The following WDR25 variants were observed in gnomAD, a reference collection of about 807,000 sequenced individuals.
The protein encoded by WDR25 is WD repeat-containing protein 25.
Under a neutral mutation model 47.7 loss-of-function variants are expected in WDR25, and 35 were observed. That is an observed-to-expected ratio of 0.73 (90% CI 0.56 to 0.97). The LOEUF (loss-of-function observed/expected upper bound fraction) is 0.97. Ranked by LOEUF, WDR25 falls within the 50% of genes least tolerant of loss-of-function variation. The pLI, the probability that WDR25 is intolerant of heterozygous loss-of-function variation, is 0.00. For missense variants in WDR25, 634 were observed against 704.7 expected, an observed-to-expected ratio of 0.90 and a Z score of 1.14; for synonymous variants, 248 against 278.9, an observed-to-expected ratio of 0.89 and a Z score of 1.10.
At chr14:100,409,249 A>G (rs1310111375) in intron 2 of WDR25, among the ~76,000 whole-genome samples, 1 of 152,190 alleles carries the variant, frequency 6.6e-6, no homozygotes, top group Non-Finnish European at 1.5e-5. Flanking sequence ...TTTACAAGTG[A>G]GGAGTTGCAG....
In WDR25 at chr14:100,529,167, C is replaced by A. The variant is rs2030341196; in HGVS notation, c.1372C>A (p.Pro458Thr). The A allele has an allele frequency of 6.2e-7, 1 of 1,612,520 alleles. No homozygotes were observed. The highest frequency in any genetic ancestry group is 8.5e-7 in the Non-Finnish European group (1 of 1,178,832). ...CCTGGCCCTTTTCTCCACTGTGTGGCCCTACCGGATGAGCAGACGGCGGCG... is the reference window on the plus strand; with the variant it reads ...CCTGGCCCTTTTCTCCACTGTGTGGACCTACCGGATGAGCAGACGGCGGCG... ...NYLALFSTVW[P>T]YRMSRRRRYE... is the part of the protein sequence containing the mutation. Residue 458 changes from proline (P) to threonine (T), a missense_variant, in exon 6 of 7, where the codon CCC (proline) becomes ACC (threonine). Coordinates refer to ENST00000402312, the MANE Select transcript of WDR25 (RefSeq NM_001161476.3). The surrounding 1 kb of genome is among the most constrained non-coding windows in gnomAD (Gnocchi z 5.1).
rs747920118 is a variant in WDR25, at chr14:100,484,001, G to T, written c.978G>T (p.Gln326His). Residue 326 changes from glutamine to histidine, a missense_variant, in exon 4 of 7, where the codon CAG (glutamine) becomes CAT (histidine). Transcript: ENST00000402312. ...LHLTDLETGT[Q>H]LFSGRSDFRI... ...TCTCTTTTTGTGTTGTAGGAACCCAGCTATTTAGTGGTCGAAGTGACTTTA... is the reference window on the plus strand; with the variant it reads ...TCTCTTTTTGTGTTGTAGGAACCCATCTATTTAGTGGTCGAAGTGACTTTA... 6.2e-7 allele frequency: 1 copy of T among 1,611,274 alleles called. No homozygotes were observed. Among genetic ancestry groups the T allele is most frequent in the Non-Finnish European group, 8.5e-7 (1 of 1,179,182 alleles).
chr14:100,463,375 C>T (rs1175017614), intron 2 of WDR25, among the ~76,000 whole-genome samples: 2 of 152,202 alleles, frequency 1.3e-5, no homozygotes, highest in Non-Finnish European at 2.9e-5. Context: ...GACATGGTGA[C>T]CAGCCTCTTT....
In WDR25 at chr14:100,449,218, T is replaced by C. The variant is rs1265168413; in HGVS notation, c.823-18803T>C. ...TTTTGGAGCAAAGGGTTAGTACTCA[T>C]TTTTATGCAAATTGAGAAATCTTGA... On this transcript the variant is annotated intron_variant, in intron 2 of 6. Coordinates refer to ENST00000402312, the MANE Select transcript of WDR25 (RefSeq NM_001161476.3). This position sits in a 1 kb window ranked among gnomAD's most constrained non-coding sequence, Gnocchi z 4.2. 6.6e-6 allele frequency among the ~76,000 whole-genome samples: 1 copy of C among 152,240 alleles called. No individual in the cohort carries two copies. Among genetic ancestry groups the C allele is most frequent in the East Asian group, 1.9e-4 (1 of 5,190 alleles).
chr14:100,393,493 C>T (rs957215562), intron 2 of WDR25, among the ~76,000 whole-genome samples: 2 of 152,002 alleles, frequency 1.3e-5, no homozygotes, highest in South Asian at 2.1e-4. Context: ...AGCCCGGGGG[C>T]GGAGGATTGG....
chr14:100,525,798 C>A lies in WDR25; in HGVS notation c.1102-72C>A. ...ACTAAACCTGCCTGCCCCCTGGGTC[C>A]TTGGCCTTCCCTGCATAGGCGCCTG... On this transcript the variant is annotated intron_variant, in intron 4 of 6. Coordinates refer to ENST00000402312, the MANE Select transcript of WDR25 (RefSeq NM_001161476.3). The surrounding 1 kb of genome is among the most constrained non-coding windows in gnomAD (Gnocchi z 4.6). The A allele has an allele frequency of 1.3e-6, 2 of 1,569,690 alleles. No homozygotes were observed. The highest frequency in any genetic ancestry group is 2.3e-5 in the South Asian group (2 of 85,792).
At position 100,511,322 on chromosome 14, in the gene WDR25, G is replaced by A. The variant is rs571983217; in HGVS notation, c.1102-14548G>A. Among the ~76,000 whole-genome samples, 22 of 152,176 alleles carry A rather than the reference G, an allele frequency of 1.4e-4. No individual in the cohort carries two copies. In the South Asian group the frequency reaches 3.1e-3, roughly 22 times the overall value. The stretch of plus-strand genomic sequence containing the variant: ...TGATATTTTAAAATTTCAGCTTCTG[G>A]TTGCTCATGGTTAGTATATAGAAAA... On this transcript the variant is annotated intron_variant, in intron 4 of 6. Coordinates refer to ENST00000402312, the MANE Select transcript of WDR25 (RefSeq NM_001161476.3).
chr14:100,490,812 G>A (rs936340883), intron 4 of WDR25, among the ~76,000 whole-genome samples: 16 of 152,240 alleles, frequency 1.1e-4, no homozygotes, highest in Admixed American at 3.9e-4. Flanking sequence ...TTGTGGCATT[G>A]TAGGCAAGTT....
chr14:100,482,081 GAAAAA>G (rs534886352), intron 3 of WDR25, among the ~76,000 whole-genome samples: 1 of 139,416 alleles, frequency 7.2e-6, no homozygotes, highest in Non-Finnish European at 1.6e-5. Flanking sequence ...TTATGAAAGA[GAAAAA>G]AAAAAAAAGA....
chr14:100,475,812 T>C (rs1290209678), intron 3 of WDR25, among the ~76,000 whole-genome samples: 3 of 152,064 alleles, frequency 2.0e-5, no homozygotes, highest in Non-Finnish European at 1.5e-5. Context: ...AGTGAGGTGA[T>C]AGATATGTTA....
intron 2 of WDR25, among the ~76,000 whole-genome samples, chr14:100,418,760 C>T (rs543150885): frequency 8.1e-5 from 12 of 148,786 alleles, no homozygotes; most frequent in Admixed American, 5.3e-4. Flanking sequence ...TTTGGGGTGG[C>T]GGTGGCGGGG....
At chr14:100,466,725 C>T (rs887660409) in intron 2 of WDR25, among the ~76,000 whole-genome samples, 3 of 152,244 alleles carry the variant, frequency 2.0e-5, no homozygotes, top group East Asian at 1.9e-4. Flanking sequence ...GACTCCCACA[C>T]GCTGGCTGCA....
intron 2 of WDR25, among the ~76,000 whole-genome samples, chr14:100,462,847 C>G (rs1167174445): frequency 7.1e-6 from 1 of 139,932 alleles, no homozygotes; most frequent in Non-Finnish European, 1.6e-5. Context: ...TTCTCTTCTT[C>G]CCCCTTCCTC....
At chr14:100,472,725 A>T (rs754600618) in intron 3 of WDR25, among the ~76,000 whole-genome samples, 4 of 152,210 alleles carry the variant, frequency 2.6e-5, no homozygotes, top group African/African-American at 4.8e-5. Flanking sequence ...TTGGGCCATC[A>T]TGGGTTCTCC....
In WDR25 at chr14:100,440,227, T is replaced by C. The variant is rs1898626900; in HGVS notation, c.823-27794T>C. Among the ~76,000 whole-genome samples, 1 of 152,198 alleles carries C rather than the reference T, an allele frequency of 6.6e-6. No individual in the cohort carries two copies. The highest frequency in any genetic ancestry group is 1.5e-5 in the Non-Finnish European group (1 of 68,026). On this transcript the variant is annotated intron_variant, in intron 2 of 6. Transcript: ENST00000402312. The surrounding 1 kb of genome is among the most constrained non-coding windows in gnomAD (Gnocchi z 4.4). The stretch of plus-strand genomic sequence containing the variant: ...CCATTCCTCTCTTTATGTGTGTCAG[T>C]CATAGCAGGGGAGTGTTTTCCTCTT...
intron 3 of WDR25, among the ~76,000 whole-genome samples, chr14:100,478,033 A>G (rs1365267413): frequency 2.0e-5 from 3 of 152,178 alleles, no homozygotes; most frequent in Non-Finnish European, 4.4e-5. Flanking sequence ...CAGAGCTTGC[A>G]GTGAGCCGGA....
At position 100,446,786 on chromosome 14, in the gene WDR25, G is replaced by A. The variant is rs73349414; in HGVS notation, c.823-21235G>A. Among the ~76,000 whole-genome samples, 749 of 152,238 alleles carry A rather than the reference G, an allele frequency of 4.9e-3. 10 individuals carry two copies. The highest frequency in any genetic ancestry group is 0.017 in the African/African-American group (704 of 41,534). On this transcript the variant is annotated intron_variant, in intron 2 of 6. Coordinates refer to ENST00000402312, the MANE Select transcript of WDR25 (RefSeq NM_001161476.3). ...GGCTTCTGTGATCTGGGCAGGTGTC[G>A]CTGGTCACTCCTGGCTCTGTGGGCG... is the stretch of plus-strand genomic sequence containing the variant.
At chr14:100,467,104 A>G (rs1899656471) in intron 2 of WDR25, among the ~76,000 whole-genome samples, 1 of 152,246 alleles carries the variant, frequency 6.6e-6, no homozygotes, top group Non-Finnish European at 1.5e-5. Flanking sequence ...CAGCATGGGA[A>G]GGAGGGAAAG....
rs755530060 is a variant in WDR25 at position 100,525,410 on chromosome 14, A to G, written c.1102-460A>G. Among the ~76,000 whole-genome samples the G allele has an allele frequency of 9.2e-5, 14 of 152,208 alleles. No individual in the cohort carries two copies. The highest frequency in any genetic ancestry group is 1.9e-4 in the Non-Finnish European group (13 of 68,042). ...ATTCTGGCTTTATGGTCTGTCCCCAAGCACACTTGCTCCTGCATTACTGTG... is the reference window on the plus strand; with the variant it reads ...ATTCTGGCTTTATGGTCTGTCCCCAGGCACACTTGCTCCTGCATTACTGTG... On this transcript the variant is annotated intron_variant, in intron 4 of 6. Coordinates refer to ENST00000402312, the MANE Select transcript of WDR25 (RefSeq NM_001161476.3). This position sits in a 1 kb window ranked among gnomAD's most constrained non-coding sequence, Gnocchi z 4.6.
Sources: allele counts gnomAD v4.1 joint callset (sites outside exome capture counted in the v4.1 genomes callset), GRCh38; gene constraint gnomAD v4.1.1; non-coding constraint Gnocchi (gnomAD v3.1); transcripts MANE v1.5; gene names NCBI Gene and HGNC (gene_info 2026-07-23, HGNC 2026-07-21).